The following C10orf90 variants were observed in gnomAD, a reference collection of about 807,000 sequenced individuals.
C10orf90 encodes (E2-independent) E3 ubiquitin-conjugating enzyme FATS.
A neutral mutation model predicts 62.5 loss-of-function variants in C10orf90; 56 were observed. The observed-to-expected ratio is 0.90, with a 90% CI of 0.72 to 1.12. The LOEUF is 1.12. C10orf90 is among the 50% of genes most tolerant of loss of function. The pLI is 0.00. For synonymous variants in C10orf90, 386 were observed against 340.4 expected (o/e 1.13, Z -1.47); for missense variants, 970 against 880.4 (o/e 1.10, Z -1.29).
chr10:126,478,991 A>G (rs1489981448), intron 4 of C10orf90, among the ~76,000 whole-genome samples: 1 of 152,160 alleles, frequency 6.6e-6, no homozygotes, highest in Non-Finnish European at 1.5e-5. Flanking sequence ...TCACCTTCAA[A>G]GATGCCCTTA....
At chr10:126,643,280 TG>T (rs1319432831) in intron 2 of C10orf90, among the ~76,000 whole-genome samples, 1 of 152,222 alleles carries the variant, frequency 6.6e-6, no homozygotes, top group East Asian at 1.9e-4. Context: ...CCCCTGTCCC[TG>T]GAGTTTACTA....
Position 126,425,878 on chromosome 10 carries a change from T to C in C10orf90, c.2377A>G (p.Arg793Gly), listed in dbSNP as rs1857229995. Residue 793 changes from arginine (R) to glycine (G), a missense_variant, in exon 10 of 10, where the codon AGG becomes GGG. By Grantham distance (125) the Arg-to-Gly change is moderately radical. Transcript: ENST00000488181. Reference protein sequence around the residue: ...KKQLLDQLLQRNAV With the variant: ...KKQLLDQLLQGNAV Reference sequence around the variant, plus strand: ...GCAGCCTGTGGTTAGACCGCATTCCTTTGAAGGAGCTGGTCCAGTAATTGC... The same window carrying C: ...GCAGCCTGTGGTTAGACCGCATTCCCTTGAAGGAGCTGGTCCAGTAATTGC... 21 of 1,614,092 alleles carry C rather than the reference T, an allele frequency of 1.3e-5. No homozygotes were observed. The Middle Eastern group carries it at 1.2e-3, about 89-fold the overall frequency.
chr10:126,614,261 G>C (rs922980101), intron 2 of C10orf90, among the ~76,000 whole-genome samples: 3 of 152,184 alleles, frequency 2.0e-5, no homozygotes, highest in African/African-American at 7.2e-5. Context: ...TCACTTTACA[G>C]AGAAAACCAC....
At chr10:126,546,795 G>GT (rs1864503109) in intron 2 of C10orf90, among the ~76,000 whole-genome samples, 1 of 152,198 alleles carries the variant, frequency 6.6e-6, no homozygotes, top group Non-Finnish European at 1.5e-5. Flanking sequence ...AAGATCCAGA[G>GT]TTTTATAACA....
chr10:126,638,931 C>T (rs979297064), intron 2 of C10orf90, among the ~76,000 whole-genome samples: 3 of 152,228 alleles, frequency 2.0e-5, no homozygotes, highest in Admixed American at 2.0e-4. Context: ...CACGCTAGAG[C>T]AGCAATCCTT....
chr10:126,639,033 A>G (rs1004748392), intron 2 of C10orf90, among the ~76,000 whole-genome samples: 1 of 152,240 alleles, frequency 6.6e-6, no homozygotes, highest in African/African-American at 2.4e-5. Flanking sequence ...GGGAATGACA[A>G]TCACTTGGAT....
chr10:126,506,701 T>A (rs1447511108), intron 3 of C10orf90, among the ~76,000 whole-genome samples: 1 of 152,180 alleles, frequency 6.6e-6, no homozygotes, highest in Non-Finnish European at 1.5e-5. Context: ...CACAGACAAG[T>A]CATGAGGCTG....
At chr10:126,655,144 C>A (rs1027964950) in intron 1 of C10orf90, among the ~76,000 whole-genome samples, 44 of 152,190 alleles carry the variant, frequency 2.9e-4, no homozygotes, top group African/African-American at 9.6e-4. Flanking sequence ...CATGGTGAAA[C>A]CCCGTCTCTA....
Position 126,580,341 on chromosome 10 carries a change from C to T in C10orf90, c.313+66224G>A, listed in dbSNP as rs547770332. Among the ~76,000 whole-genome samples, 9 of 152,280 alleles carry T rather than the reference C, an allele frequency of 5.9e-5. No homozygotes were observed. The South Asian group carries it at 1.9e-3, about 32-fold the overall frequency. On this transcript the variant is annotated intron_variant, in intron 2 of 9. Coordinates refer to ENST00000488181, the MANE Select transcript of C10orf90 (RefSeq NM_001350921.2). ...CAATGGCTAATTTGAGTTGGTTTCTCTCACCACAAAAACGTTTAAAAAGAC... is the reference window on the plus strand; with the variant it reads ...CAATGGCTAATTTGAGTTGGTTTCTTTCACCACAAAAACGTTTAAAAAGAC...
chr10:126,478,767 C>T (rs576294856), intron 4 of C10orf90, among the ~76,000 whole-genome samples: 6 of 152,168 alleles, frequency 3.9e-5, no homozygotes, highest in Non-Finnish European at 7.4e-5. Flanking sequence ...GTCCAACACC[C>T]CTGGCCTTGG....
chr10:126,566,998 G>A (rs11245048), intron 2 of C10orf90, among the ~76,000 whole-genome samples: 51,019 of 151,978 alleles, frequency 0.34, 9,905 homozygotes, highest in Non-Finnish European at 0.44. Context: ...ACTGAGAGGC[G>A]TATTACCCAC....
At chr10:126,582,888 G>A (rs1177767006) in intron 2 of C10orf90, among the ~76,000 whole-genome samples, 2 of 152,188 alleles carry the variant, frequency 1.3e-5, no homozygotes, top group Non-Finnish European at 2.9e-5. Flanking sequence ...AGCGGGTGGT[G>A]CCACAAAATG....
At chr10:126,548,832 TAATAG>T in intron 2 of C10orf90, among the ~76,000 whole-genome samples, 1 of 151,596 alleles carries the variant, frequency 6.6e-6, no homozygotes, top group African/African-American at 2.4e-5. Context: ...ACCCAAATAT[TAATAG>T]AATAGAACAG....
At position 126,459,462 on chromosome 10, in the gene C10orf90, C is replaced by T. The variant is rs538276909; in HGVS notation, c.2011-245G>A. Among the ~76,000 whole-genome samples, 5 of 152,352 alleles carry T rather than the reference C, an allele frequency of 3.3e-5. No homozygotes were observed. In the South Asian group the frequency reaches 6.2e-4, roughly 19 times the overall value. The stretch of plus-strand genomic sequence containing the variant: ...AGGCCCCTGCTGCAGCAGGATTGAC[C>T]GGCAACTGGCATCAAAGCTGGGAGT... On this transcript the variant is annotated intron_variant, in intron 6 of 9. Transcript: ENST00000488181.
intron 2 of C10orf90, among the ~76,000 whole-genome samples, chr10:126,596,020 C>T (rs1367791254): frequency 1.3e-5 from 2 of 151,756 alleles, no homozygotes; most frequent in African/African-American, 2.4e-5. Context: ...GAATAAAACA[C>T]AGGAGAAAAT....
chr10:126,535,516 CAAAA>C (rs35841777), intron 2 of C10orf90, among the ~76,000 whole-genome samples: 1 of 132,020 alleles, frequency 7.6e-6, no homozygotes, highest in Non-Finnish European at 1.6e-5. Context: ...GACGCTGTCT[CAAAA>C]AAAAAAAAAA....
intron 2 of C10orf90, among the ~76,000 whole-genome samples, chr10:126,633,359 AGC>A (rs951470232): frequency 6.6e-6 from 1 of 152,246 alleles, no homozygotes; most frequent in African/African-American, 2.4e-5. Flanking sequence ...TGAGGTCACC[AGC>A]CCCTGCTGGC....
intron 7 of C10orf90, among the ~76,000 whole-genome samples, chr10:126,440,259 A>G (rs1858220134): frequency 6.6e-6 from 1 of 152,120 alleles, no homozygotes; most frequent in Non-Finnish European, 1.5e-5. Context: ...GAGGCCTGTG[A>G]CTGCTGGCTG....
chr10:126,666,549 A>G (rs1054390452), intron 1 of C10orf90, among the ~76,000 whole-genome samples: 4 of 152,124 alleles, frequency 2.6e-5, no homozygotes, highest in African/African-American at 9.7e-5. Context: ...GAGCACGAGG[A>G]GGGGTGTGGG....
Sources: allele counts gnomAD v4.1 joint callset (sites outside exome capture counted in the v4.1 genomes callset), GRCh38; gene constraint gnomAD v4.1.1; transcripts MANE v1.5; gene names NCBI Gene and HGNC (gene_info 2026-07-23, HGNC 2026-07-21).